The following MROH2A variants were observed in gnomAD, a reference collection of about 807,000 sequenced individuals.
MROH2A encodes the protein maestro heat like repeat family member 2A, also known as maestro heat-like repeat-containing protein family member 2A.
Under a neutral mutation model 200.4 loss-of-function variants are expected in MROH2A, and 174 were observed. That is an observed-to-expected ratio of 0.87 (90% CI 0.77 to 0.98). The LOEUF is 0.98. Among genes scored for constraint, MROH2A ranks in the 50% least tolerant of loss-of-function variants. The pLI is 0.00. For missense variants in MROH2A, 2,045 were observed against 2,139.6 expected, an observed-to-expected ratio of 0.96 and a Z score of 0.87; for synonymous variants, 829 against 840.4, an observed-to-expected ratio of 0.99 and a Z score of 0.23.
In MROH2A at chr2:233,804,510, C is replaced by G. The variant is rs1039751702; in HGVS notation, c.1907C>G (p.Thr636Ser). 6 of 1,551,144 alleles carry G rather than the reference C, an allele frequency of 3.9e-6. No individual in the cohort carries two copies. In the African/African-American group the frequency reaches 6.8e-5, roughly 18 times the overall value. Reference sequence around the variant, plus strand: ...GTTCCTGCAGAACATACTGAGTTCACTTGGGATCAGAAAGCCTGGGAAGAC... The same window carrying G: ...GTTCCTGCAGAACATACTGAGTTCAGTTGGGATCAGAAAGCCTGGGAAGAC... Reference protein sequence around the residue: ...VRYLEEHTEFTWDQKAWEDKL... With the variant: ...VRYLEEHTEFSWDQKAWEDKL... Residue 636 changes from threonine (T) to serine (S), a missense_variant, in exon 18 of 42, where the codon ACT (threonine) becomes AGT (serine). Around this residue, in one of 3 missense-constraint regions of MROH2A, gnomAD observed 13 missense variants for 28.3 expected, o/e 0.46. Coordinates refer to ENST00000389758, the MANE Select transcript of MROH2A (RefSeq NM_001394639.1).
At chr2:233,830,358 C>T (rs1036152535) in intron 38 of MROH2A, among the ~76,000 whole-genome samples, 12 of 152,342 alleles carry the variant, frequency 7.9e-5, no homozygotes, top group African/African-American at 2.4e-4. Flanking sequence ...CCGCCCTCTT[C>T]TCTCCCTAGT....
At chr2:233,786,374 T>C (rs1250548844) in intron 3 of MROH2A, among the ~76,000 whole-genome samples, 1 of 152,250 alleles carries the variant, frequency 6.6e-6, no homozygotes, top group Non-Finnish European at 1.5e-5. Flanking sequence ...TCTCACTGTG[T>C]CCTCACGTGG....
In MROH2A at chr2:233,828,790, T is replaced by C. The variant is rs1159035436; in HGVS notation, c.4263+11T>C. ...GGCGCCCCCAAGAAGGTACTGTGCC[T>C]GGCCCTGGGCCCAGGTCCCGGGAGC... On this transcript the variant is annotated intron_variant, in intron 36 of 41. Transcript: ENST00000389758. The surrounding 1 kb of genome is among the most constrained non-coding windows in gnomAD (Gnocchi z 4.6). 2 of 1,549,748 alleles carry C rather than the reference T, an allele frequency of 1.3e-6. No individual in the cohort carries two copies. Among genetic ancestry groups the C allele is most frequent in the South Asian group, 2.4e-5 (2 of 84,000 alleles).
At chr2:233,809,017 A>T (rs1053695757) in intron 21 of MROH2A, 109 bp from the exon 22 acceptor site, 1 of 1,245,398 alleles carries the variant, frequency 8.0e-7, no homozygotes, top group Non-Finnish European at 1.1e-6. Context: ...CAGGTGAAGC[A>T]CCGCCAGCTG....
intron 3 of MROH2A, among the ~76,000 whole-genome samples, chr2:233,786,032 G>A (rs896166381): frequency 6.6e-6 from 1 of 152,110 alleles, no homozygotes; most frequent in East Asian, 1.9e-4. Context: ...ATTGAATCAT[G>A]GGGTGGTTTC....
intron 3 of MROH2A, among the ~76,000 whole-genome samples, chr2:233,786,083 T>G (rs977228643): frequency 2.0e-5 from 3 of 152,120 alleles, no homozygotes; most frequent in African/African-American, 7.2e-5. Context: ...TCTCACGAGA[T>G]CTGATGGTTT....
chr2:233,824,250 C>G (rs1280697403), intron 35 of MROH2A, among the ~76,000 whole-genome samples: 1 of 152,228 alleles, frequency 6.6e-6, no homozygotes, highest in African/African-American at 2.4e-5. Flanking sequence ...TTGATGGACA[C>G]TGGAATTTAA....
chr2:233,832,157 GTA>G lies in MROH2A; in HGVS notation c.4735-18_4735-17del, dbSNP rs1353323918. The G allele has an allele frequency of 1.3e-5, 20 of 1,545,254 alleles. No homozygotes were observed. Among genetic ancestry groups the G allele is most frequent in the Non-Finnish European group, 1.8e-5 (20 of 1,142,384 alleles). On this transcript the variant is annotated intron_variant, in intron 39 of 41. Coordinates refer to ENST00000389758, the MANE Select transcript of MROH2A (RefSeq NM_001394639.1). ...AGGGTCTCATCCTCCAAAGCTGTGT[GTA>G]TCACTTACTTTTTGCAGACTCGGAA...
chr2:233,795,142 G>T (rs149596642), intron 8 of MROH2A, among the ~76,000 whole-genome samples: 1 of 152,148 alleles, frequency 6.6e-6, no homozygotes, highest in Non-Finnish European at 1.5e-5. Context: ...GATTCTGGGC[G>T]AGCCTGAATT....
chr2:233,796,672 T>G (rs895874992), intron 11 of MROH2A, among the ~76,000 whole-genome samples: 2 of 152,168 alleles, frequency 1.3e-5, no homozygotes, highest in African/African-American at 2.4e-5. Flanking sequence ...TTCCAATTCC[T>G]AAGCCCAAAC....
intron 24 of MROH2A, among the ~76,000 whole-genome samples, chr2:233,812,524 A>G (rs1385224283): frequency 6.6e-6 from 1 of 152,224 alleles, no homozygotes; most frequent in Non-Finnish European, 1.5e-5. Context: ...TAGCAGAACT[A>G]TCTGTTACTT....
chr2:233,822,760 C>A (rs1704032460), intron 33 of MROH2A, 121 bp from the exon 34 acceptor site: 3 of 1,309,558 alleles, frequency 2.3e-6, no homozygotes, highest in Non-Finnish European at 3.1e-6. Context: ...CTGGACCTTT[C>A]CCTCAGTCCC....
At chr2:233,810,614 A>G (rs994497952) in intron 22 of MROH2A, among the ~76,000 whole-genome samples, 180 bp from the exon 23 acceptor site, 1 of 152,212 alleles carries the variant, frequency 6.6e-6, no homozygotes, top group African/African-American at 2.4e-5. Context: ...TGGCCCTGCC[A>G]TGTGGCAGGT....
Position 233,805,031 on chromosome 2 carries a change from C to CG in MROH2A, c.1977dup (p.Ser660ValfsTer2). The CG allele has an allele frequency of 6.5e-7, 1 of 1,550,042 alleles. No homozygotes were observed. On this transcript the variant is annotated frameshift_variant, in exon 19 of 42. Transcript: ENST00000389758. LOFTEE classifies it high-confidence loss of function. ...TCTGCGAAACTCCCTCAAGAAGACC[C>CG]GGGGGTCTAGCTGGAGCCTGCGCTT...
rs1416304674 is a variant in MROH2A at position 233,832,749 on chromosome 2, G to A, written c.4903+105G>A. On this transcript the variant is annotated intron_variant, in intron 41 of 41. Coordinates refer to ENST00000389758, the MANE Select transcript of MROH2A (RefSeq NM_001394639.1). ...AAGAGCCAGAGGACCCTTTGCTGTG[G>A]GGTTTCGGGGGGGTGGGAGTGCAAC... The A allele has an allele frequency of 4.1e-6, 3 of 739,996 alleles. No individual in the cohort carries two copies. The African/African-American group carries it at 5.3e-5, about 13-fold the overall frequency. 45.8% of individuals were successfully genotyped at this position (739,996 alleles called of 1,614,324 possible). A position where few individuals can be genotyped will look rare whatever the true frequency, so the allele number is the denominator to read the frequency against.
chr2:233,823,642 G>A lies in MROH2A; in HGVS notation c.4091G>A (p.Arg1364His), dbSNP rs780726733. The A allele has an allele frequency of 3.2e-5, 49 of 1,550,388 alleles. No individual in the cohort carries two copies. Among genetic ancestry groups the A allele is most frequent in the South Asian group, 8.3e-5 (7 of 84,066 alleles). The change falls in exon 35 of 42, where the codon CGC becomes CAC. Residue 1364 changes from arginine to histidine, a missense_variant. Physicochemically the swap from Arg to His is conservative, Grantham distance 29 (BLOSUM62 0). Transcript: ENST00000389758. The part of the protein sequence containing the change: ...RGMDSEVLSC[R>H]ISSTAVCFMS... Reference sequence around the variant, plus strand: ...ATGGACTCAGAAGTCCTGAGCTGCCGCATCAGCAGCACAGCGGTCTGCGTG... The same window carrying A: ...ATGGACTCAGAAGTCCTGAGCTGCCACATCAGCAGCACAGCGGTCTGCGTG...
In MROH2A at chr2:233,819,477, AGCC is replaced by A; in HGVS notation, c.3357+11_3357+13del. On this transcript the variant is annotated intron_variant, in intron 30 of 41. Coordinates refer to ENST00000389758, the MANE Select transcript of MROH2A (RefSeq NM_001394639.1). ...AAGGAGCTGGAGGACAAGGTGGCAG[AGCC>A]GCGGCAGGGCCACCAGAGAGAGGGG... is the stretch of plus-strand genomic sequence containing the variant. The A allele has an allele frequency of 6.5e-7, 1 of 1,549,176 alleles. No individual in the cohort carries two copies. Among genetic ancestry groups the A allele is most frequent in the Non-Finnish European group, 8.7e-7 (1 of 1,146,488 alleles).
chr2:233,778,822 A>G (rs1475539610), intron 1 of MROH2A, among the ~76,000 whole-genome samples: 2 of 152,250 alleles, frequency 1.3e-5, no homozygotes, highest in African/African-American at 4.8e-5. Flanking sequence ...TCATAAACTC[A>G]GTGGCTTAAA....
chr2:233,823,260 G>T (rs1178098851), intron 34 of MROH2A, among the ~76,000 whole-genome samples: 1 of 152,238 alleles, frequency 6.6e-6, no homozygotes, highest in Non-Finnish European at 1.5e-5. Context: ...CGCCCCCAGG[G>T]CCACACAGGG....
Sources: gnomAD v4.1 joint callset for allele counts (sites outside exome capture counted in the v4.1 genomes callset) on GRCh38, gnomAD v4.1.1 for gene constraint, gnomAD v4.1.1 regional missense constraint, Gnocchi (gnomAD v3.1) non-coding constraint, MANE v1.5 for transcripts, NCBI Gene and HGNC (gene_info 2026-07-23, HGNC 2026-07-21) for gene names.